DNAH8: variants seen among roughly 807,000 people sequenced by gnomAD.
DNAH8 encodes the protein axonemal beta dynein heavy chain 8.
Under a neutral mutation model 562.1 loss-of-function variants are expected in DNAH8, and 382 were observed. The observed-to-expected ratio is 0.68, with a 90% CI of 0.63 to 0.74. The LOEUF is 0.74. Among genes scored for constraint, DNAH8 ranks in the 30% least tolerant of loss-of-function variants. The probability of loss-of-function intolerance (pLI) is 0.00; values close to 1 mark genes in which losing one functional copy is unlikely to be tolerated. For missense variants in DNAH8, 5,203 were observed against 5,620.4 expected, an observed-to-expected ratio of 0.93 and a Z score of 2.37; for synonymous variants, 1,881 against 1,919.4, an observed-to-expected ratio of 0.98 and a Z score of 0.52.
chr6:39,026,058 A>G (rs1767252995), intron 91 of DNAH8, among the ~76,000 whole-genome samples: 1 of 152,218 alleles, frequency 6.6e-6, no homozygotes, highest in African/African-American at 2.4e-5. Context: ...ATTGAAAGTC[A>G]GGTTTTCTAT....
chr6:38,931,901 A>G lies in DNAH8; in HGVS notation c.11365A>G (p.Ile3789Val). Reference protein sequence around the residue: ...KLPNPAFTPEINAKTSVIDFT... With the variant: ...KLPNPAFTPEVNAKTSVIDFT... ...ACCAAATCCTGCCTTTACCCCAGAG[A>G]TTAATGCTAAAACGTCAGTCATTGA... Residue 3789 changes from isoleucine to valine, a missense_variant, in exon 76 of 93, where the codon ATT becomes GTT. Around this residue, in one of 6 missense-constraint regions of DNAH8, gnomAD observed 1,399 missense variants for 1,518.4 expected, o/e 0.92. Transcript: ENST00000327475. 6.2e-7 allele frequency: 1 copy of G among 1,612,268 alleles called. No individual in the cohort carries two copies.
At chr6:38,726,125 T>C (rs1763196390) in intron 3 of DNAH8, among the ~76,000 whole-genome samples, 1 of 152,212 alleles carries the variant, frequency 6.6e-6, no homozygotes, top group Non-Finnish European at 1.5e-5. Context: ...CAGTCCTGCA[T>C]TTGGCTAGGG....
intron 91 of DNAH8, among the ~76,000 whole-genome samples, chr6:39,025,083 A>T (rs1583589092): frequency 6.6e-6 from 1 of 152,202 alleles, no homozygotes; most frequent in Non-Finnish European, 1.5e-5. Flanking sequence ...TCTGACCTTG[A>T]AAAATCACTG....
At chr6:38,888,845 A>G (rs1172955340) in intron 57 of DNAH8, among the ~76,000 whole-genome samples, 2 of 152,264 alleles carry the variant, frequency 1.3e-5, no homozygotes, top group African/African-American at 4.8e-5. Context: ...CTGGTAAAGT[A>G]GGGCGTGTGC....
At chr6:38,727,928 A>G (rs1163378231) in intron 3 of DNAH8, among the ~76,000 whole-genome samples, 1 of 152,084 alleles carries the variant, frequency 6.6e-6, no homozygotes, top group Non-Finnish European at 1.5e-5. Flanking sequence ...GTCCAATCCC[A>G]GGTTCTGTGC....
At chr6:38,871,501 G>C (rs1322253497) in intron 49 of DNAH8, among the ~76,000 whole-genome samples, 3 of 152,126 alleles carry the variant, frequency 2.0e-5, no homozygotes, top group Non-Finnish European at 4.4e-5. Context: ...CATTGCTCTT[G>C]AACATGTCAG....
intron 1 of DNAH8, among the ~76,000 whole-genome samples, chr6:38,715,966 T>A (rs1421884754): frequency 1.1e-4 from 7 of 63,452 alleles, no homozygotes; most frequent in South Asian, 5.2e-4. Flanking sequence ...ATATATTTTT[T>A]TTTTTTTTTT....
chr6:38,964,413 A>G (rs1397393368), intron 82 of DNAH8, among the ~76,000 whole-genome samples: 2 of 135,918 alleles, frequency 1.5e-5, no homozygotes, highest in East Asian at 4.5e-4. Context: ...GGGGCTCCTC[A>G]CTTCCCAGTA....
chr6:38,998,102 A>G (rs1311254337), intron 88 of DNAH8, among the ~76,000 whole-genome samples: 1 of 152,184 alleles, frequency 6.6e-6, no homozygotes, highest in Non-Finnish European at 1.5e-5. Flanking sequence ...GGAGAACTCG[A>G]TGCCCCCTGT....
chr6:38,988,116 C>T (rs1764528282), intron 87 of DNAH8, among the ~76,000 whole-genome samples: 2 of 152,292 alleles, frequency 1.3e-5, no homozygotes, highest in South Asian at 2.1e-4. Context: ...ATCCTCTGTC[C>T]CTCTGACTTT....
rs534987499 is a variant in DNAH8 at position 38,929,539 on chromosome 6, G to T, written c.11147G>T (p.Arg3716Leu). The T allele has an allele frequency of 1.2e-6, 2 of 1,611,680 alleles. No individual in the cohort carries two copies. Among genetic ancestry groups the T allele is most frequent in the South Asian group, 1.1e-5 (1 of 90,720 alleles). ...QVTSLNHKYFRTHLEDSLSLG... is the reference protein window; with the variant it reads ...QVTSLNHKYFLTHLEDSLSLG... ...ACATCTCTGAACCATAAATATTTTC[G>T]CACACACTTGGAGGACAGCCTTTCC... is the stretch of plus-strand genomic sequence containing the variant. Residue 3716 changes from arginine to leucine, a missense_variant, in exon 75 of 93, where the codon CGC becomes CTC. Physicochemically the swap from Arg to Leu is moderately radical, Grantham distance 102. Coordinates refer to ENST00000327475, the MANE Select transcript of DNAH8 (RefSeq NM_001206927.2).
At chr6:38,857,326 T>A (rs1026859613) in intron 41 of DNAH8, among the ~76,000 whole-genome samples, 192 bp from the exon 42 acceptor site, 4 of 152,226 alleles carry the variant, frequency 2.6e-5, no homozygotes, top group Non-Finnish European at 5.9e-5. Flanking sequence ...ATTTTAATCA[T>A]CATTAATCTA....
At position 38,984,224 on chromosome 6, in the gene DNAH8, G is replaced by C; in HGVS notation, c.12970G>C (p.Val4324Leu). 6.3e-7 allele frequency: 1 copy of C among 1,595,526 alleles called. No individual in the cohort carries two copies. Among genetic ancestry groups the C allele is most frequent in the Non-Finnish European group, 8.6e-7 (1 of 1,163,400 alleles). The change falls in exon 87 of 93, where the codon GTT becomes CTT. Residue 4324 changes from valine to leucine, a missense_variant. Physicochemically the swap from Val to Leu is conservative, Grantham distance 32. Around this residue, in one of 6 missense-constraint regions of DNAH8, gnomAD observed 1,399 missense variants for 1,518.4 expected, o/e 0.92. Transcript: ENST00000327475. Reference sequence around the variant, plus strand: ...AATAAAGGGTGTATCATGGAATACGGTTCGGTACATGATCGGAGAAGTACA... The same window carrying C: ...AATAAAGGGTGTATCATGGAATACGCTTCGGTACATGATCGGAGAAGTACA... ...DIKKGVSWNT[V>L]RYMIGEVQYG...
Position 38,872,937 on chromosome 6 carries a change from T to A in DNAH8, c.7269T>A (p.Pro2423=), listed in dbSNP as rs921660548. 1.2e-6 allele frequency: 2 copies of A among 1,614,090 alleles called. No homozygotes were observed. The highest frequency in any genetic ancestry group is 1.7e-6 in the Non-Finnish European group (2 of 1,179,940). ...GENIFLILDG[P]VDAIWIENLN... ...ACATTTTCCTCATTTTAGATGGTCCTGTGGATGCCATCTGGATTGAGAACT... is the reference window on the plus strand; with the variant it reads ...ACATTTTCCTCATTTTAGATGGTCCAGTGGATGCCATCTGGATTGAGAACT... Residue 2423 remains proline (P), a synonymous_variant, in exon 51 of 93, where the codon CCT becomes CCA. Coordinates refer to ENST00000327475, the MANE Select transcript of DNAH8 (RefSeq NM_001206927.2).
chr6:38,958,119 A>G (rs1762372457), intron 82 of DNAH8, among the ~76,000 whole-genome samples: 1 of 151,600 alleles, frequency 6.6e-6, no homozygotes, highest in Non-Finnish European at 1.5e-5. Context: ...CTCCTGCCTC[A>G]GCCTCCCGAG....
At chr6:38,958,448 T>A (rs2150657943) in intron 82 of DNAH8, among the ~76,000 whole-genome samples, 1 of 144,534 alleles carries the variant, frequency 6.9e-6, no homozygotes, top group Non-Finnish European at 1.5e-5. Flanking sequence ...AAAGGAGACA[T>A]CATAACTGAT....
Position 39,026,501 on chromosome 6 carries a change from G to A in DNAH8, c.13715-45G>A, listed in dbSNP as rs185948530. On this transcript the variant is annotated intron_variant, in intron 91 of 92. Transcript: ENST00000327475. ...ACATTGCTTCCTTCTTGTTTTTAAA[G>A]CAGATTGCAACAAGGCTTCAACATC... The A allele has an allele frequency of 1.9e-5, 30 of 1,568,418 alleles. No homozygotes were observed. The East Asian group carries it at 5.6e-4, about 30-fold the overall frequency.
intron 9 of DNAH8, among the ~76,000 whole-genome samples, chr6:38,753,029 C>T (rs1018543921): frequency 7.2e-5 from 11 of 151,938 alleles, no homozygotes; most frequent in African/African-American, 2.7e-4. Flanking sequence ...GATGCTGTCA[C>T]CCAGGTAGTG....
At position 38,847,182 on chromosome 6, in the gene DNAH8, A is replaced by G. The variant is rs548510327; in HGVS notation, c.5045+1409A>G. Among the ~76,000 whole-genome samples, 22 of 152,238 alleles carry G rather than the reference A, an allele frequency of 1.4e-4. No individual in the cohort carries two copies. The South Asian group carries it at 4.2e-3, about 29-fold the overall frequency. On this transcript the variant is annotated intron_variant, in intron 36 of 92. Transcript: ENST00000327475. ...TGGATCCCTGATTCCATGGGACTTCATGGGCCATGGTGGGTTTGACCACAC... is the reference window on the plus strand; with the variant it reads ...TGGATCCCTGATTCCATGGGACTTCGTGGGCCATGGTGGGTTTGACCACAC...
Sources: allele counts gnomAD v4.1 joint callset (sites outside exome capture counted in the v4.1 genomes callset), GRCh38; gene constraint gnomAD v4.1.1; regional missense constraint gnomAD v4.1.1; transcripts MANE v1.5; gene names NCBI Gene and HGNC (gene_info 2026-07-23, HGNC 2026-07-21).